HAUS1: variants seen among roughly 807,000 people sequenced by gnomAD.
HAUS1 encodes HAUS augmin like complex subunit 1.
A neutral mutation model predicts 38.6 loss-of-function variants in HAUS1; 25 were observed. The observed-to-expected ratio is 0.65, with a 90% confidence interval of 0.47 to 0.91. The LOEUF is 0.91. Ranked by LOEUF, HAUS1 falls within the 40% of genes least tolerant of loss-of-function variation. HAUS1 has a pLI of 0.00. For missense variants in HAUS1, 325 were observed against 328.4 expected, an observed-to-expected ratio of 0.99 and a Z score of 0.08; for synonymous variants, 109 against 112.9, an observed-to-expected ratio of 0.97 and a Z score of 0.22.
intron 5 of HAUS1, chr18:46,123,071 C>T (rs910818603): frequency 3.9e-5 from 17 of 434,594 alleles, no homozygotes; most frequent in Middle Eastern, 1.3e-3. Flanking sequence ...ATTAGCCGGG[C>T]GTGGTGGTGG....
chr18:46,123,336 C>T lies in HAUS1; in HGVS notation c.638C>T (p.Ser213Phe). Reference sequence around the variant, plus strand: ...GCCAGAGGCATGGATGCTTCTCTGTCTCATCAGTCCTTAGTAGCACTATCA... The same window carrying T: ...GCCAGAGGCATGGATGCTTCTCTGTTTCATCAGTCCTTAGTAGCACTATCA... ...LSARGMDASL[S>F]HQSLVALSEK... The change falls in exon 6 of 9, where the codon TCT becomes TTT. Residue 213 changes from serine (S) to phenylalanine (F), a missense_variant. Coordinates refer to ENST00000282058, the MANE Select transcript of HAUS1 (RefSeq NM_138443.4). 2 of 1,612,368 alleles carry T rather than the reference C, an allele frequency of 1.2e-6. No individual in the cohort carries two copies. The highest frequency in any genetic ancestry group is 1.7e-6 in the Non-Finnish European group (2 of 1,178,774).
At chr18:46,113,203 A>G (rs900246823) in intron 2 of HAUS1, among the ~76,000 whole-genome samples, 2 of 150,828 alleles carry the variant, frequency 1.3e-5, no homozygotes, top group African/African-American at 4.9e-5. Flanking sequence ...CAGTCTCCCA[A>G]GTAGCTGGGA....
intron 6 of HAUS1, 82 bp from the exon 7 acceptor site, chr18:46,124,740 T>C: frequency 1.4e-6 from 1 of 732,654 alleles, no homozygotes; most frequent in Non-Finnish European, 2.4e-6. Context: ...AATGCTTTGT[T>C]GTGTTTTATT....
chr18:46,125,815 C>A, intron 8 of HAUS1, 24 bp downstream of exon 8: 2 of 1,504,786 alleles, frequency 1.3e-6, no homozygotes, highest in Non-Finnish European at 9.2e-7. Context: ...GTAATTTTTT[C>A]AGATTTTTTT....
chr18:46,127,474 A>G lies in HAUS1; in HGVS notation c.787-601A>G, dbSNP rs561248632. Among the ~76,000 whole-genome samples, 454 of 151,720 alleles carry G rather than the reference A, an allele frequency of 3.0e-3. 2 individuals carry two copies. Among genetic ancestry groups the G allele is most frequent in the African/African-American group, 0.011 (444 of 41,376 alleles). ...GTAATCCCAGCACTTTGGGAGGCCA[A>G]GTGGGTGGATCAAAAGGTCAAGAGT... On this transcript the variant is annotated intron_variant, in intron 8 of 8. Coordinates refer to ENST00000282058, the MANE Select transcript of HAUS1 (RefSeq NM_138443.4).
chr18:46,104,405 C>T lies in HAUS1; in HGVS notation c.-7C>T, dbSNP rs1488717817. 2 of 1,454,022 alleles carry T rather than the reference C, an allele frequency of 1.4e-6. No individual in the cohort carries two copies. The highest frequency in any genetic ancestry group is 1.4e-5 in the African/African-American group (1 of 69,184). 90.1% of individuals were successfully genotyped at this position (1,454,022 alleles called of 1,614,324 possible). ...GAGTTCCTAGTAAAGTGGCGGGAGCCGCAGCTATGGAGCCGCAGGAGGAGA... is the reference window on the plus strand; with the variant it reads ...GAGTTCCTAGTAAAGTGGCGGGAGCTGCAGCTATGGAGCCGCAGGAGGAGA... On this transcript the variant is annotated 5_prime_UTR_variant, in exon 1 of 9. Coordinates refer to ENST00000282058, the MANE Select transcript of HAUS1 (RefSeq NM_138443.4).
rs1236293547 is a variant in HAUS1 at position 46,118,238 on chromosome 18, C to G, written c.263C>G (p.Ser88Cys). 1 of 1,612,592 alleles carries G rather than the reference C, an allele frequency of 6.2e-7. No individual in the cohort carries two copies. Among genetic ancestry groups the G allele is most frequent in the Admixed American group, 1.7e-5 (1 of 60,022 alleles). The change falls in exon 3 of 9, where the codon TCT becomes TGT. Residue 88 changes from serine (S) to cysteine (C), a missense_variant. Transcript: ENST00000282058. ...GTGAATTTTTCCCCCGCCAATCTCT[C>G]TAGCACTGGTTCCAGGTATCTGAAT... ...ESVNFSPANL[S>C]STGSRYLNAL...
At chr18:46,105,965 T>G (rs1326844165) in intron 2 of HAUS1, among the ~76,000 whole-genome samples, 1 of 151,978 alleles carries the variant, frequency 6.6e-6, no homozygotes. Flanking sequence ...CTTAAAAGAG[T>G]CTAAACTTGT....
intron 6 of HAUS1, among the ~76,000 whole-genome samples, chr18:46,124,383 C>T (rs1274538181): frequency 7.1e-6 from 1 of 141,550 alleles, no homozygotes; most frequent in Non-Finnish European, 1.5e-5. Flanking sequence ...TGCCACTGCA[C>T]TCCAGCCTGG....
intron 2 of HAUS1, among the ~76,000 whole-genome samples, chr18:46,107,695 A>G (rs2144244115): frequency 6.6e-6 from 1 of 152,344 alleles, no homozygotes; most frequent in East Asian, 1.9e-4. Context: ...AATGCCATCT[A>G]TAGCTCGCTG....
intron 2 of HAUS1, among the ~76,000 whole-genome samples, chr18:46,113,062 A>AATAT (rs1287911329): frequency 3.0e-5 from 4 of 133,904 alleles, no homozygotes; most frequent in African/African-American, 1.2e-4. Flanking sequence ...TTATATATAT[A>AATAT]ATATATATAT....
intron 2 of HAUS1, among the ~76,000 whole-genome samples, chr18:46,111,949 G>A (rs1299296967): frequency 5.5e-5 from 8 of 146,344 alleles, no homozygotes; most frequent in South Asian, 2.1e-4. Context: ...GCAATGGCAC[G>A]ATCTCAGCTC....
chr18:46,119,098 T>A (rs1016404788), intron 3 of HAUS1, among the ~76,000 whole-genome samples: 1 of 152,158 alleles, frequency 6.6e-6, no homozygotes, highest in Non-Finnish European at 1.5e-5. Context: ...CTCAAACTCC[T>A]GACCTTGTGA....
chr18:46,116,173 A>G (rs1911791470), intron 2 of HAUS1, among the ~76,000 whole-genome samples: 1 of 152,134 alleles, frequency 6.6e-6, no homozygotes, highest in Admixed American at 6.6e-5. Context: ...GGAAAGAAAG[A>G]ATATGAAAAG....
Position 46,123,326 on chromosome 18 carries a change from G to A in HAUS1, c.628G>A (p.Ala210Thr), listed in dbSNP as rs766760587. The A allele has an allele frequency of 6.8e-6, 11 of 1,612,320 alleles. No individual in the cohort carries two copies. In the East Asian group the frequency reaches 2.2e-4, roughly 33 times the overall value. The change falls in exon 6 of 9, where the codon GCT (alanine) becomes ACT (threonine). Residue 210 changes from alanine (A) to threonine (T), a missense_variant. By Grantham distance (58) the Ala-to-Thr change is moderately conservative. Transcript: ENST00000282058. ...GCAACTTTCAGCCAGAGGCATGGAT[G>A]CTTCTCTGTCTCATCAGTCCTTAGT... The part of the protein sequence containing the change: ...EEQLSARGMD[A>T]SLSHQSLVAL...
intron 2 of HAUS1, among the ~76,000 whole-genome samples, chr18:46,113,008 AATATATATATTCCATATTATATATATAAT>A (rs1483554046): frequency 8.3e-5 from 9 of 108,500 alleles, no homozygotes; most frequent in South Asian, 5.5e-4. Context: ...ATATATATGG[AATATATATATTCCATATTATATATATAAT>A]ATATATATTC....
At chr18:46,122,620 T>G in intron 5 of HAUS1, 30 bp downstream of exon 5, 1 of 1,612,464 alleles carries the variant, frequency 6.2e-7, no homozygotes, top group Non-Finnish European at 8.5e-7. Context: ...TATAGTTAGC[T>G]CTCTTCGGCC....
chr18:46,109,450 T>A (rs1911562901), intron 2 of HAUS1, among the ~76,000 whole-genome samples: 1 of 152,182 alleles, frequency 6.6e-6, no homozygotes, highest in African/African-American at 2.4e-5. Flanking sequence ...GTTATTGATT[T>A]CTCATTTCAT....
chr18:46,114,843 T>C (rs990366340), intron 2 of HAUS1, among the ~76,000 whole-genome samples: 4 of 152,168 alleles, frequency 2.6e-5, no homozygotes, highest in Non-Finnish European at 5.9e-5. Context: ...TCAGTGTCCT[T>C]ACTGAGTTTT....
Sources: gnomAD v4.1 joint callset for allele counts (sites outside exome capture counted in the v4.1 genomes callset) on GRCh38, gnomAD v4.1.1 for gene constraint, MANE v1.5 for transcripts, NCBI Gene and HGNC (gene_info 2026-07-23, HGNC 2026-07-21) for gene names.